Variants in NEGR1 observed in about 807,000 individuals in gnomAD.
The protein encoded by NEGR1 is neuronal growth regulator 1, also known as IgLON family member 4.
A neutral mutation model predicts 40.9 loss-of-function variants in NEGR1; 10 were observed. That is an observed-to-expected ratio of 0.24 (90% CI 0.15 to 0.42). The LOEUF is 0.42. Among genes scored for constraint, NEGR1 ranks in the 10% least tolerant of loss-of-function variants. The pLI, the probability that NEGR1 is intolerant of heterozygous loss-of-function variation, is 1.00. For synonymous variants in NEGR1, 185 were observed against 166.8 expected (o/e 1.11, Z -0.84); for missense variants, 352 against 438.9 (o/e 0.80, Z 1.77).
intron 1 of NEGR1, among the ~76,000 whole-genome samples, chr1:72,231,016 G>C (rs1557589393): frequency 1.3e-5 from 2 of 152,146 alleles, no homozygotes; most frequent in Non-Finnish European, 1.5e-5. Context: ...AGGTGTCCAG[G>C]AGTGTCCACA....
chr1:72,085,255 G>A (rs555050881), intron 1 of NEGR1, among the ~76,000 whole-genome samples: 16 of 152,272 alleles, frequency 1.1e-4, no homozygotes, highest in African/African-American at 3.6e-4. Context: ...AATACACAAA[G>A]ATTAGTATTT....
intron 4 of NEGR1, among the ~76,000 whole-genome samples, chr1:71,648,605 C>G (rs1234681358): frequency 6.6e-6 from 1 of 151,990 alleles, no homozygotes; most frequent in Non-Finnish European, 1.5e-5. Flanking sequence ...CTAGGCAAAG[C>G]ACTTAACTGC....
At chr1:71,803,898 T>C (rs1657655198) in intron 2 of NEGR1, among the ~76,000 whole-genome samples, 1 of 152,168 alleles carries the variant, frequency 6.6e-6, no homozygotes, top group African/African-American at 2.4e-5. Flanking sequence ...AGATAATAAA[T>C]GTTTAATAAG....
chr1:72,014,107 CTT>C (rs1302867152), intron 1 of NEGR1, among the ~76,000 whole-genome samples: 3 of 149,886 alleles, frequency 2.0e-5, no homozygotes, highest in Non-Finnish European at 4.4e-5. Flanking sequence ...AGCTGTTCAA[CTT>C]TTTTTGTATG....
intron 6 of NEGR1, among the ~76,000 whole-genome samples, chr1:71,446,997 T>C (rs947784689): frequency 5.9e-5 from 9 of 152,232 alleles, no homozygotes; most frequent in Non-Finnish European, 1.3e-4. Flanking sequence ...CTTATTACAG[T>C]ATAAGTTTCC....
chr1:72,173,080 C>G (rs1199161383), intron 1 of NEGR1, among the ~76,000 whole-genome samples: 1 of 151,750 alleles, frequency 6.6e-6, no homozygotes, highest in Admixed American at 6.6e-5. Flanking sequence ...GGTCTTGGCT[C>G]ACTGCAGCCT....
chr1:71,494,367 T>C (rs1218631170), intron 6 of NEGR1, among the ~76,000 whole-genome samples: 1 of 152,174 alleles, frequency 6.6e-6, no homozygotes, highest in African/African-American at 2.4e-5. Flanking sequence ...GCTTCCCTGA[T>C]TGGCAAACTC....
rs74655387 is a variant in NEGR1 at position 71,448,310 on chromosome 1, T to C, written c.941-40740A>G. On this transcript the variant is annotated intron_variant, in intron 6 of 6. Transcript: ENST00000357731. Reference sequence around the variant, plus strand: ...GATAAGAGAAGTTATTGGTAAGAAGTGGCTGAGGCTGGGTGTGGTGGCTCA... The same window carrying C: ...GATAAGAGAAGTTATTGGTAAGAAGCGGCTGAGGCTGGGTGTGGTGGCTCA... Among the ~76,000 whole-genome samples the C allele has an allele frequency of 4.6e-3, 687 of 150,580 alleles. 10 individuals carry two copies. The Middle Eastern group carries it at 0.092, about 20-fold the overall frequency.
intron 2 of NEGR1, among the ~76,000 whole-genome samples, chr1:71,790,193 A>G (rs1482379731): frequency 6.6e-6 from 1 of 152,134 alleles, no homozygotes; most frequent in Non-Finnish European, 1.5e-5. Context: ...AGTTGCTCAC[A>G]TAGCCTGACA....
At chr1:71,533,475 GA>G (rs1647418355) in intron 6 of NEGR1, among the ~76,000 whole-genome samples, 1 of 151,524 alleles carries the variant, frequency 6.6e-6, no homozygotes, top group Non-Finnish European at 1.5e-5. Context: ...TTTTTGTGTA[GA>G]AAGTAAATAT....
At chr1:71,965,439 T>C (rs995995641) in intron 1 of NEGR1, among the ~76,000 whole-genome samples, 3 of 152,160 alleles carry the variant, frequency 2.0e-5, no homozygotes, top group Admixed American at 2.0e-4. Context: ...TAAGCATGCT[T>C]CATAGTCTAT....
chr1:71,839,828 CT>C (rs1395109881), intron 2 of NEGR1, among the ~76,000 whole-genome samples: 2 of 152,098 alleles, frequency 1.3e-5, no homozygotes, highest in East Asian at 1.9e-4. Flanking sequence ...CAAAGTGCTT[CT>C]TTTGCAGTAG....
chr1:71,782,479 C>T (rs574358611), intron 2 of NEGR1, among the ~76,000 whole-genome samples: 1 of 152,228 alleles, frequency 6.6e-6, no homozygotes, highest in African/African-American at 2.4e-5. Context: ...GTTTTCTTTG[C>T]AATCCATAAT....
At chr1:72,044,347 A>G (rs1474039196) in intron 1 of NEGR1, among the ~76,000 whole-genome samples, 2 of 150,258 alleles carry the variant, frequency 1.3e-5, no homozygotes, top group South Asian at 2.1e-4. Context: ...AAAAAAAAAG[A>G]AGAGAAAATG....
At chr1:71,939,673 G>A (rs1438399320) in intron 1 of NEGR1, among the ~76,000 whole-genome samples, 1 of 152,124 alleles carries the variant, frequency 6.6e-6, no homozygotes, top group African/African-American at 2.4e-5. Context: ...CAGAAAAAAA[G>A]GCAAGTCAGG....
intron 2 of NEGR1, among the ~76,000 whole-genome samples, chr1:71,840,033 G>C (rs1412286532): frequency 6.6e-6 from 1 of 152,046 alleles, no homozygotes; most frequent in East Asian, 1.9e-4. Flanking sequence ...ATGTAATAAG[G>C]CTTTTCCATT....
At chr1:72,240,270 A>G (rs1056051543) in intron 1 of NEGR1, among the ~76,000 whole-genome samples, 2 of 151,890 alleles carry the variant, frequency 1.3e-5, no homozygotes, top group African/African-American at 4.8e-5. Context: ...CATCCACATC[A>G]ATTTGCAATG....
At chr1:71,709,268 G>A (rs539917159) in intron 3 of NEGR1, among the ~76,000 whole-genome samples, 1 of 152,248 alleles carries the variant, frequency 6.6e-6, no homozygotes, top group South Asian at 2.1e-4. Context: ...GAATTTTGTG[G>A]AGAAAAGCAT....
intron 1 of NEGR1, among the ~76,000 whole-genome samples, chr1:72,255,544 C>CATCTTT: frequency 1.7e-5 from 2 of 119,854 alleles, no homozygotes; most frequent in African/African-American, 6.0e-5. Flanking sequence ...ATCAAAAATA[C>CATCTTT]TTCTTTTTTT....
Sources: allele counts gnomAD v4.1 joint callset (sites outside exome capture counted in the v4.1 genomes callset), GRCh38; gene constraint gnomAD v4.1.1; transcripts MANE v1.5; gene names NCBI Gene and HGNC (gene_info 2026-07-23, HGNC 2026-07-21).